PDZD2: variants seen among roughly 807,000 people sequenced by gnomAD.
The protein encoded by PDZD2 is PDZ domain containing 2, also known as PDZ domain-containing protein 2.
In PDZD2, 90 loss-of-function variants were observed where a neutral mutation model predicts 220.7. The observed-to-expected ratio is 0.41, with a 90% CI of 0.34 to 0.49. The LOEUF is 0.49. PDZD2 is among the 20% of genes least tolerant of loss of function. The pLI, the probability that PDZD2 is intolerant of heterozygous loss-of-function variation, is 0.28. For synonymous variants in PDZD2, 1,375 were observed against 1,450.5 expected, an observed-to-expected ratio of 0.95 and a Z score of 1.18; for missense variants, 3,174 against 3,608.5, an observed-to-expected ratio of 0.88 and a Z score of 3.08.
At chr5:31,726,257 G>A (rs755149657) in intron 1 of PDZD2, among the ~76,000 whole-genome samples, 25 of 152,290 alleles carry the variant, frequency 1.6e-4, no homozygotes, top group Non-Finnish European at 2.5e-4. Flanking sequence ...GGCCGGGCGC[G>A]GTGGCTCACG....
At chr5:32,063,360 TCTTA>T (rs891983593) in intron 14 of PDZD2, among the ~76,000 whole-genome samples, 21 of 152,280 alleles carry the variant, frequency 1.4e-4, no homozygotes, top group Non-Finnish European at 2.9e-4. Context: ...AATGACTCTT[TCTTA>T]CTTACAAGTT....
At chr5:31,825,168 C>A (rs1756136941) in intron 2 of PDZD2, among the ~76,000 whole-genome samples, 1 of 152,120 alleles carries the variant, frequency 6.6e-6, no homozygotes, top group African/African-American at 2.4e-5. Flanking sequence ...TGGAATCAAG[C>A]CAGTGAGAGA....
intron 2 of PDZD2, among the ~76,000 whole-genome samples, chr5:31,895,845 T>A (rs1229235118): frequency 6.6e-6 from 1 of 152,208 alleles, no homozygotes; most frequent in Non-Finnish European, 1.5e-5. Context: ...TTCCCCACCC[T>A]GCCTCTGTCC....
chr5:31,810,662 T>C (rs1006175754), intron 2 of PDZD2, among the ~76,000 whole-genome samples: 1 of 152,196 alleles, frequency 6.6e-6, no homozygotes, highest in Non-Finnish European at 1.5e-5. Flanking sequence ...CCAACTGCAA[T>C]GAGTAGGTGA....
chr5:31,891,838 C>A (rs984456131), intron 2 of PDZD2, among the ~76,000 whole-genome samples: 2 of 152,150 alleles, frequency 1.3e-5, no homozygotes, highest in Non-Finnish European at 2.9e-5. Flanking sequence ...AAGACTGATA[C>A]TGTTACCAAA....
intron 18 of PDZD2, 122 bp from the exon 19 acceptor site, chr5:32,077,340 C>A: frequency 1.1e-6 from 1 of 888,792 alleles, no homozygotes; most frequent in South Asian, 1.5e-5. Context: ...GATCTGCTGG[C>A]TCCTAGTCCA....
At chr5:31,711,189 G>A (rs1040926933) in intron 1 of PDZD2, among the ~76,000 whole-genome samples, 1 of 152,104 alleles carries the variant, frequency 6.6e-6, no homozygotes, top group African/African-American at 2.4e-5. Flanking sequence ...GATCTGGACT[G>A]CCCTTTTTCC....
chr5:31,785,001 A>C (rs1561457617), intron 1 of PDZD2, among the ~76,000 whole-genome samples: 1 of 152,084 alleles, frequency 6.6e-6, no homozygotes. Flanking sequence ...CCTCAACTAC[A>C]GTGTGGGAGA....
At chr5:31,907,149 G>T (rs1467766512) in intron 2 of PDZD2, among the ~76,000 whole-genome samples, 2 of 152,208 alleles carry the variant, frequency 1.3e-5, no homozygotes, top group African/African-American at 2.4e-5. Context: ...ACCTGTCTTT[G>T]TGCAGGGTGC....
Position 31,927,417 on chromosome 5 carries a change from C to T in PDZD2, c.477-55738C>T, listed in dbSNP as rs141433406. On this transcript the variant is annotated intron_variant, in intron 2 of 24. Coordinates refer to ENST00000438447, the MANE Select transcript of PDZD2 (RefSeq NM_178140.4). The stretch of plus-strand genomic sequence containing the variant: ...TTTGTTTGTTTGAGACAGTGTCTCA[C>T]TCTGTCACCCAGGCTGGAGTGCAGT... 5.8e-3 allele frequency among the ~76,000 whole-genome samples: 877 copies of T among 152,192 alleles called. 12 individuals carry two copies. The highest frequency in any genetic ancestry group is 0.02 in the African/African-American group (838 of 41,532).
chr5:31,822,773 A>ATTT, intron 2 of PDZD2: 1 of 1,020,914 alleles, frequency 9.8e-7, no homozygotes, highest in Non-Finnish European at 1.5e-6. Flanking sequence ...CTGCAGATGT[A>ATTT]TTTTTCACCC....
intron 1 of PDZD2, among the ~76,000 whole-genome samples, chr5:31,775,735 C>T (rs10940964): frequency 0.43 from 63,830 of 149,364 alleles, 14,138 homozygotes; most frequent in African/African-American, 0.47. Context: ...TCCAGGGTAA[C>T]GTGTTGGCCT....
chr5:32,089,596 AACAG>A lies in PDZD2; in HGVS notation c.6154_6157del (p.Gln2052ValfsTer26). ...TAGGAACGGCATGTCCGTGGCAGGG[AACAG>A]ACAGAGTGAGCCGCGCCTGGCCAGC... On this transcript the variant is annotated frameshift_variant, in exon 20 of 25. Transcript: ENST00000438447. LOFTEE classifies it high-confidence loss of function. The A allele has an allele frequency of 2.5e-6, 4 of 1,612,622 alleles. No homozygotes were observed. Among genetic ancestry groups the A allele is most frequent in the Non-Finnish European group, 3.4e-6 (4 of 1,179,950 alleles).
At chr5:31,686,068 GCTACCCTACTACC>G (rs1241428278) in intron 1 of PDZD2, among the ~76,000 whole-genome samples, 1 of 149,884 alleles carries the variant, frequency 6.7e-6, no homozygotes, top group African/African-American at 2.5e-5. Flanking sequence ...TATGGTCCCA[GCTACCCTACTACC>G]CTACCCTACT....
intron 1 of PDZD2, among the ~76,000 whole-genome samples, chr5:31,790,988 G>A (rs1446291136): frequency 6.6e-6 from 1 of 151,876 alleles, no homozygotes; most frequent in Non-Finnish European, 1.5e-5. Flanking sequence ...ATGAGCCACC[G>A]CGCCCAGCCT....
At chr5:31,784,061 C>T (rs1179143061) in intron 1 of PDZD2, among the ~76,000 whole-genome samples, 1 of 152,204 alleles carries the variant, frequency 6.6e-6, no homozygotes, top group African/African-American at 2.4e-5. Flanking sequence ...AAATTCAGAG[C>T]ATAAGGCTCC....
chr5:31,984,216 A>G (rs975230145), intron 3 of PDZD2, among the ~76,000 whole-genome samples: 4 of 152,216 alleles, frequency 2.6e-5, no homozygotes, highest in African/African-American at 9.6e-5. Context: ...GGAAGTTTGG[A>G]AGCTTGACAA....
At chr5:32,014,066 A>G (rs184408729) in intron 6 of PDZD2, among the ~76,000 whole-genome samples, 90 of 152,314 alleles carry the variant, frequency 5.9e-4, no homozygotes, top group African/African-American at 1.9e-3. Flanking sequence ...TTTCTTTTTT[A>G]GTTATATGTT....
intron 2 of PDZD2, among the ~76,000 whole-genome samples, chr5:31,876,479 G>C (rs966456034): frequency 2.6e-5 from 4 of 151,918 alleles, no homozygotes; most frequent in Admixed American, 2.0e-4. Context: ...TTTTAGTAGA[G>C]ACAGGGTTTC....
Sources: gnomAD v4.1 joint callset for allele counts (sites outside exome capture counted in the v4.1 genomes callset) on GRCh38, gnomAD v4.1.1 for gene constraint, MANE v1.5 for transcripts, NCBI Gene and HGNC (gene_info 2026-07-23, HGNC 2026-07-21) for gene names.